The following CA10 variants were observed in gnomAD, a reference collection of about 807,000 sequenced individuals.
CA10 encodes the protein carbonic anhydrase 10 (inactive), also known as carbonic anhydrase-related protein 10.
CA10 carries 14 observed loss-of-function variants against 44.2 expected under a neutral mutation model. The observed-to-expected ratio is 0.32, with a 90% CI of 0.21 to 0.50. CA10 has a LOEUF of 0.50. Ranked by LOEUF, CA10 falls within the 20% of genes least tolerant of loss-of-function variation. The pLI, the probability that CA10 is intolerant of heterozygous loss-of-function variation, is 0.99. For missense variants in CA10, 350 were observed against 409.7 expected, an observed-to-expected ratio of 0.85 and a Z score of 1.26; for synonymous variants, 159 against 141.6, an observed-to-expected ratio of 1.12 and a Z score of -0.87.
intron 2 of CA10, among the ~76,000 whole-genome samples, chr17:52,023,550 G>A (rs1040182669): frequency 6.6e-6 from 1 of 151,966 alleles, no homozygotes; most frequent in Non-Finnish European, 1.5e-5. Context: ...AATGGACATG[G>A]CCTTAGCAAA....
intron 2 of CA10, among the ~76,000 whole-genome samples, chr17:51,985,894 T>G (rs1193530862): frequency 6.6e-6 from 1 of 151,782 alleles, no homozygotes; most frequent in Admixed American, 6.6e-5. Context: ...TACTCACGGG[T>G]GGGTAGAATA....
chr17:51,815,801 G>GTGTA (rs997335589), intron 3 of CA10, among the ~76,000 whole-genome samples: 7 of 152,064 alleles, frequency 4.6e-5, no homozygotes, highest in African/African-American at 1.7e-4. Context: ...GTGTGTGTGT[G>GTGTA]TATAAAAATA....
At chr17:51,945,816 T>G (rs1351275366) in intron 2 of CA10, among the ~76,000 whole-genome samples, 1 of 152,118 alleles carries the variant, frequency 6.6e-6, no homozygotes, top group Non-Finnish European at 1.5e-5. Flanking sequence ...CTGCTCCCCA[T>G]GCAAGATTAC....
intron 4 of CA10, among the ~76,000 whole-genome samples, chr17:51,704,627 C>T (rs1344665723): frequency 2.0e-5 from 3 of 152,154 alleles, no homozygotes; most frequent in African/African-American, 7.2e-5. Context: ...CTTGCCCATC[C>T]ACTCTATCTT....
chr17:51,648,136 C>G (rs530852194), intron 6 of CA10, among the ~76,000 whole-genome samples: 1 of 152,202 alleles, frequency 6.6e-6, no homozygotes, highest in African/African-American at 2.4e-5. Flanking sequence ...ATTCTCCATA[C>G]TCTCCCTTGG....
intron 4 of CA10, among the ~76,000 whole-genome samples, chr17:51,659,208 G>A (rs1246854478): frequency 6.6e-6 from 1 of 152,162 alleles, no homozygotes. Context: ...AGAATAAAAA[G>A]GTGGAGGATT....
intron 2 of CA10, among the ~76,000 whole-genome samples, chr17:52,040,887 C>CA (rs1986749755): frequency 6.6e-6 from 1 of 151,936 alleles, no homozygotes; most frequent in East Asian, 1.9e-4. Flanking sequence ...GAAGAATACC[C>CA]AAAGCCAGGG....
intron 1 of CA10, among the ~76,000 whole-genome samples, chr17:52,144,765 A>G (rs138318573): frequency 3.3e-5 from 5 of 152,248 alleles, no homozygotes; most frequent in African/African-American, 1.2e-4. Context: ...TTCCTTCCTA[A>G]TTTTGCTCAA....
intron 4 of CA10, among the ~76,000 whole-genome samples, chr17:51,665,973 T>C (rs751604950): frequency 1.3e-5 from 2 of 152,264 alleles, no homozygotes; most frequent in Non-Finnish European, 1.5e-5. Flanking sequence ...GCAAAGGCCA[T>C]GGCCAAAAAA....
At chr17:51,865,284 A>G (rs1243025794) in intron 3 of CA10, among the ~76,000 whole-genome samples, 1 of 152,176 alleles carries the variant, frequency 6.6e-6, no homozygotes, top group Non-Finnish European at 1.5e-5. Context: ...CTAGAATGTA[A>G]GCTCCATGAA....
intron 1 of CA10, among the ~76,000 whole-genome samples, chr17:52,144,497 A>G (rs1429788870): frequency 2.0e-5 from 3 of 152,204 alleles, no homozygotes; most frequent in Admixed American, 6.5e-5. Context: ...ATGGGGCATT[A>G]ATTTCTTAAT....
chr17:52,107,194 AC>A (rs1218601609), intron 1 of CA10, among the ~76,000 whole-genome samples: 2 of 152,052 alleles, frequency 1.3e-5, no homozygotes, highest in African/African-American at 4.8e-5. Context: ...TAGGGACTGC[AC>A]CCCATGTTAG....
intron 3 of CA10, among the ~76,000 whole-genome samples, chr17:51,891,412 G>A (rs1351912884): frequency 6.6e-6 from 1 of 152,236 alleles, no homozygotes; most frequent in Non-Finnish European, 1.5e-5. Flanking sequence ...GGGGAAGTCA[G>A]ACTTCAGCCT....
At chr17:51,814,922 CTT>C (rs1190801272) in intron 3 of CA10, among the ~76,000 whole-genome samples, 1 of 152,176 alleles carries the variant, frequency 6.6e-6, no homozygotes, top group African/African-American at 2.4e-5. Flanking sequence ...CAGATTCTCT[CTT>C]GTCTCTCTTA....
At position 51,774,461 on chromosome 17, in the gene CA10, GT is replaced by G. The variant is rs541763523; in HGVS notation, c.280-26644del. Among the ~76,000 whole-genome samples the G allele has an allele frequency of 3.8e-3, 576 of 150,876 alleles. 2 individuals carry two copies. Among genetic ancestry groups the G allele is most frequent in the African/African-American group, 0.013 (555 of 41,118 alleles). On this transcript the variant is annotated intron_variant, in intron 3 of 8. Coordinates refer to ENST00000451037, the MANE Select transcript of CA10 (RefSeq NM_020178.5). Reference sequence around the variant, plus strand: ...ATTTAAGGTCTTTTTTTTTTTTGAGGTGGAGTCTCGCTCTGTTGCCCAAGGT... The same window carrying G: ...ATTTAAGGTCTTTTTTTTTTTTGAGGGGAGTCTCGCTCTGTTGCCCAAGGT...
At position 52,157,714 on chromosome 17, in the gene CA10, C is replaced by G. The variant is rs367996538; in HGVS notation, c.61+12G>C. ...AATCCAAATCAGCCAGTGACTTCGG[C>G]GCGTCCCGTACCTGATATGCAGACG... is the stretch of plus-strand genomic sequence containing the variant. On this transcript the variant is annotated intron_variant, in intron 1 of 8. Coordinates refer to ENST00000451037, the MANE Select transcript of CA10 (RefSeq NM_020178.5). 1 of 1,613,090 alleles carries G rather than the reference C, an allele frequency of 6.2e-7. No homozygotes were observed. The highest frequency in any genetic ancestry group is 2.2e-5 in the East Asian group (1 of 44,858).
chr17:51,651,419 T>C (rs1158816531), intron 5 of CA10, among the ~76,000 whole-genome samples: 9 of 152,222 alleles, frequency 5.9e-5, no homozygotes, highest in Admixed American at 5.9e-4. Context: ...ACAGAAATGT[T>C]GTGGCTTATT....
chr17:51,866,739 C>G (rs1371337968), intron 3 of CA10, among the ~76,000 whole-genome samples: 1 of 152,150 alleles, frequency 6.6e-6, no homozygotes. Flanking sequence ...ACCACTGAAT[C>G]AATCCAGATG....
rs145791798 is a variant in CA10 at position 51,735,513 on chromosome 17, A to G, written c.465+12120T>C. Among the ~76,000 whole-genome samples, 333 of 151,080 alleles carry G rather than the reference A, an allele frequency of 2.2e-3. 1 individual carries two copies. The highest frequency in any genetic ancestry group is 7.8e-3 in the African/African-American group (321 of 41,284). On this transcript the variant is annotated intron_variant, in intron 4 of 8. Coordinates refer to ENST00000451037, the MANE Select transcript of CA10 (RefSeq NM_020178.5). ...ATATACCCAAGCAACAAACACGAAC[A>G]TGTACCCCCCACCCCGAATCTAAAA...
Sources: allele counts gnomAD v4.1 joint callset (sites outside exome capture counted in the v4.1 genomes callset), GRCh38; gene constraint gnomAD v4.1.1; transcripts MANE v1.5; gene names NCBI Gene and HGNC (gene_info 2026-07-23, HGNC 2026-07-21).